The following CNKSR2 variants were observed in gnomAD, a reference collection of about 807,000 sequenced individuals.
CNKSR2 encodes CNK homolog protein 2.
A neutral mutation model predicts 84.4 loss-of-function variants in CNKSR2; 14 were observed. The ratio of observed to expected loss-of-function variants is 0.17; its 90% CI spans 0.11 to 0.26. CNKSR2 has a LOEUF of 0.26. CNKSR2 is among the 10% of genes least tolerant of loss of function. The probability of loss-of-function intolerance (pLI) is 1.00; values close to 1 mark genes in which losing one functional copy is unlikely to be tolerated. For synonymous variants in CNKSR2, 275 were observed against 277.9 expected (o/e 0.99, Z 0.10); for missense variants, 485 against 771.2 (o/e 0.63, Z 4.40).
intron 2 of CNKSR2, among the ~76,000 whole-genome samples, chrX:21,429,985 A>G (rs758305526): frequency 1.8e-5 from 2 of 112,178 alleles, no homozygotes; most frequent in Non-Finnish European, 3.8e-5. Flanking sequence ...TAGCACATAA[A>G]TCTGGTTACA....
Position 21,400,771 on chromosome X carries a change from T to A in CNKSR2, c.65-25726T>A, listed in dbSNP as rs1262763346. Among the ~76,000 whole-genome samples the A allele has an allele frequency of 1.8e-5, 2 of 111,538 alleles. 1 individual carries two copies. The highest frequency in any genetic ancestry group is 3.8e-5 in the Non-Finnish European group (2 of 52,855). Reference sequence around the variant, plus strand: ...GTTCTATGAACAAAAAGTTCATAGGTTGTTGCCTGAATGAAAAACCAAATC... The same window carrying A: ...GTTCTATGAACAAAAAGTTCATAGGATGTTGCCTGAATGAAAAACCAAATC... On this transcript the variant is annotated intron_variant, in intron 1 of 21. Transcript: ENST00000379510.
In CNKSR2 at chrX:21,533,016, A is replaced by G. The variant is rs990316790; in HGVS notation, c.1303+949A>G. Reference sequence around the variant, plus strand: ...GCAGTCATCACATATCTTCATATACATGTCTTATTTCCTTTCAGCTCTTTG... The same window carrying G: ...GCAGTCATCACATATCTTCATATACGTGTCTTATTTCCTTTCAGCTCTTTG... On this transcript the variant is annotated intron_variant, in intron 11 of 21. Transcript: ENST00000379510. Among the ~76,000 whole-genome samples, 5 of 110,969 alleles carry G rather than the reference A, an allele frequency of 4.5e-5. No individual in the cohort carries two copies. The South Asian group carries it at 1.1e-3, about 25-fold the overall frequency.
At chrX:21,437,471 G>A (rs541344431) in intron 3 of CNKSR2, among the ~76,000 whole-genome samples, 2 of 98,536 alleles carry the variant, frequency 2.0e-5, no homozygotes, top group South Asian at 1.1e-3. Flanking sequence ...CCAGCCTAGA[G>A]TGCAGTGGCG....
intron 1 of CNKSR2, among the ~76,000 whole-genome samples, chrX:21,410,933 T>G (rs2090336705): frequency 9.1e-6 from 1 of 109,952 alleles, no homozygotes; most frequent in African/African-American, 3.3e-5. Flanking sequence ...AAATGATGAA[T>G]AAGATTTGTT....
In CNKSR2 at chrX:21,594,687, A is replaced by G. The variant is rs186887211; in HGVS notation, c.1831-287A>G. On this transcript the variant is annotated intron_variant, in intron 15 of 21. Transcript: ENST00000379510. The stretch of plus-strand genomic sequence containing the variant: ...ATGTTCTGACCAGAAAATTAGTTAT[A>G]AAACACATTCCACTTTGAGAATTAA... 1.0e-4 allele frequency: 18 copies of G among 180,516 alleles called. No homozygotes were observed. The East Asian group carries it at 1.9e-3, about 19-fold the overall frequency. The allele number at this position is 180,516 out of a possible 1,213,427, so 14.9% of individuals were successfully genotyped here.
intron 5 of CNKSR2, among the ~76,000 whole-genome samples, chrX:21,487,354 T>C (rs373028576): frequency 1.8e-5 from 2 of 112,175 alleles, no homozygotes; most frequent in East Asian, 5.6e-4. Flanking sequence ...ATAGGAGAGC[T>C]ACTGTTGCTC....
intron 5 of CNKSR2, among the ~76,000 whole-genome samples, chrX:21,489,093 T>C (rs1050519662): frequency 1.8e-5 from 2 of 111,624 alleles, no homozygotes; most frequent in African/African-American, 6.5e-5. Flanking sequence ...TGTTATCTAC[T>C]TCTAACCTGG....
intron 13 of CNKSR2, among the ~76,000 whole-genome samples, chrX:21,577,521 T>C (rs1212175132): frequency 1.8e-5 from 2 of 111,506 alleles, no homozygotes; most frequent in African/African-American, 6.5e-5. Context: ...TTAGTTGCTT[T>C]GATCAGAGAG....
chrX:21,436,363 C>G (rs2090705148), intron 3 of CNKSR2, among the ~76,000 whole-genome samples: 1 of 111,486 alleles, frequency 9.0e-6, no homozygotes, highest in African/African-American at 3.3e-5. Context: ...TCGTTAATAA[C>G]CTTTTTATAA....
At chrX:21,489,587 G>T (rs2091422196) in intron 5 of CNKSR2, among the ~76,000 whole-genome samples, 1 of 111,599 alleles carries the variant, frequency 9.0e-6, no homozygotes, top group Non-Finnish European at 1.9e-5. Context: ...TCATGATTTT[G>T]CCATGTGTAA....
intron 5 of CNKSR2, among the ~76,000 whole-genome samples, chrX:21,484,822 G>T (rs2091362769): frequency 8.9e-6 from 1 of 111,824 alleles, no homozygotes; most frequent in African/African-American, 3.3e-5. Flanking sequence ...TGACATAAGA[G>T]TTTTTTCTGT....
intron 20 of CNKSR2, among the ~76,000 whole-genome samples, chrX:21,630,495 A>G (rs976597453): frequency 2.7e-5 from 3 of 111,776 alleles, no homozygotes; most frequent in Non-Finnish European, 3.8e-5. Context: ...GGGAAATACT[A>G]TTATTATCCT....
In CNKSR2 at chrX:21,609,608, G is replaced by C. The variant is rs1230071869; in HGVS notation, c.2683G>C (p.Gly895Arg). Residue 895 changes from glycine (G) to arginine (R), a missense_variant, in exon 20 of 22, where the codon GGA (glycine) becomes CGA (arginine). Around this residue, in one of 5 missense-constraint regions of CNKSR2, gnomAD observed 210 missense variants for 291.5 expected, o/e 0.72. Transcript: ENST00000379510. ...AGGGGAGGCAGCAGGGGAAAACATA[G>C]GAGAAAAAAGTAAGTATGTTTCTGG... ...EEGEAAGENI[G>R]EKSESREEKL... The C allele has an allele frequency of 2.5e-6, 3 of 1,191,519 alleles. No homozygotes were observed. The South Asian group carries it at 5.5e-5, about 22-fold the overall frequency.
At chrX:21,495,172 G>T (rs1306881938) in intron 6 of CNKSR2, 1 of 111,790 alleles carries the variant, frequency 8.9e-6, no homozygotes, top group Non-Finnish European at 1.9e-5. Context: ...TAAATCAGGA[G>T]CCCAGTGGTT....
At chrX:21,511,540 G>C (rs2091671311) in intron 8 of CNKSR2, among the ~76,000 whole-genome samples, 1 of 109,971 alleles carries the variant, frequency 9.1e-6, no homozygotes, top group South Asian at 3.9e-4. Context: ...TCACCTTTAA[G>C]AAGAGGCTTT....
At chrX:21,530,529 A>G (rs1476872512) in intron 10 of CNKSR2, among the ~76,000 whole-genome samples, 2 of 111,341 alleles carry the variant, frequency 1.8e-5, no homozygotes, top group East Asian at 5.6e-4. Context: ...TGTTCTTTTT[A>G]TCTGTCTTGT....
chrX:21,459,287 G>A (rs912290497), intron 4 of CNKSR2, among the ~76,000 whole-genome samples: 10 of 111,882 alleles, frequency 8.9e-5, no homozygotes, highest in Admixed American at 2.8e-4. Context: ...GCCTCCCAGA[G>A]TGCTGGGATT....
At chrX:21,598,792 G>A (rs2092464272) in intron 17 of CNKSR2, among the ~76,000 whole-genome samples, 1 of 112,544 alleles carries the variant, frequency 8.9e-6, no homozygotes, top group African/African-American at 3.2e-5. Context: ...ATGAAGGCAG[G>A]CACTTTGTTT....
intron 5 of CNKSR2, among the ~76,000 whole-genome samples, chrX:21,487,822 G>A (rs1256333069): frequency 8.9e-6 from 1 of 112,258 alleles, no homozygotes; most frequent in Non-Finnish European, 1.9e-5. Flanking sequence ...TACAGAGAAT[G>A]GGATTCCAGG....
Sources: allele counts gnomAD v4.1 joint callset (sites outside exome capture counted in the v4.1 genomes callset), GRCh38; gene constraint gnomAD v4.1.1; regional missense constraint gnomAD v4.1.1; transcripts MANE v1.5; gene names NCBI Gene and HGNC (gene_info 2026-07-23, HGNC 2026-07-21).